TRMT13: variants seen among roughly 807,000 people sequenced by gnomAD.
TRMT13 encodes tRNA:m(4)X modification enzyme TRM13 homolog.
Under a neutral mutation model 55.9 loss-of-function variants are expected in TRMT13, and 45 were observed. That is an observed-to-expected ratio of 0.80 (90% CI 0.63 to 1.03). The LOEUF is 1.03. Among genes scored for constraint, TRMT13 ranks in the 50% least tolerant of loss-of-function variants. The probability of loss-of-function intolerance (pLI) is 0.00; values close to 1 mark genes in which losing one functional copy is unlikely to be tolerated. For synonymous variants in TRMT13, 183 were observed against 196.3 expected (o/e 0.93, Z 0.57); for missense variants, 513 against 563.9 (o/e 0.91, Z 0.91).
At chr1:100,133,384 G>GC (rs1655303660) in intron 1 of TRMT13, 69 bp downstream of exon 1, 1 of 1,521,594 alleles carries the variant, frequency 6.6e-7, no homozygotes, top group African/African-American at 1.4e-5. Context: ...CTGGAACCCG[G>GC]CCCCTCCCCT....
At chr1:100,139,121 T>C (rs17121953) in intron 3 of TRMT13, among the ~76,000 whole-genome samples, 5,461 of 152,340 alleles carry the variant, frequency 0.036, 115 homozygotes, top group Middle Eastern at 0.044. Context: ...ATTTAAATAG[T>C]GTGACAGGAC....
At chr1:100,140,100 T>C (rs960332862) in intron 4 of TRMT13, 82 bp from the exon 5 acceptor site, 18 of 866,752 alleles carry the variant, frequency 2.1e-5, no homozygotes, top group Non-Finnish European at 3.3e-5. Flanking sequence ...ATTTGCCCAG[T>C]TGGTAAACCT....
chr1:100,149,133 G>T lies in TRMT13; in HGVS notation c.*313G>T. 1.3e-6 allele frequency: 2 copies of T among 1,568,526 alleles called. No individual in the cohort carries two copies. Among genetic ancestry groups the T allele is most frequent in the Non-Finnish European group, 1.7e-6 (2 of 1,165,780 alleles). ...CATAACATGTCAACACATAATTAGC[G>T]TATTTCTGTTTGTATTAATTTTGGA... On this transcript the variant is annotated 3_prime_UTR_variant, in exon 11 of 11. Transcript: ENST00000370141.
chr1:100,144,225 T>C, intron 9 of TRMT13, 82 bp downstream of exon 9: 1 of 938,350 alleles, frequency 1.1e-6, no homozygotes, highest in South Asian at 1.4e-5. Context: ...GTGGTCTCTT[T>C]TGAATAGATA....
chr1:100,149,730 A>C lies in TRMT13; in HGVS notation c.*910A>C, dbSNP rs566727691. 4.3e-6 allele frequency: 1 copy of C among 233,494 alleles called. No individual in the cohort carries two copies. The highest frequency in any genetic ancestry group is 8.3e-6 in the Non-Finnish European group (1 of 121,136). 14.5% of individuals were successfully genotyped at this position (233,494 alleles called of 1,614,324 possible). On this transcript the variant is annotated 3_prime_UTR_variant, in exon 11 of 11. Transcript: ENST00000370141. ...AACTCATGACTGGTTTCTATGCACA[A>C]GAAAATACTAAACCAAATATATGGT...
chr1:100,148,445 A>C lies in TRMT13; in HGVS notation c.1250+119A>C, dbSNP rs1158091482. 18 of 1,184,132 alleles carry C rather than the reference A, an allele frequency of 1.5e-5. No homozygotes were observed. In the African/African-American group the frequency reaches 2.8e-4, roughly 19 times the overall value. The allele number at this position is 1,184,132 out of a possible 1,614,324, so 73.4% of individuals were successfully genotyped here. A position where few individuals can be genotyped will look rare whatever the true frequency, so the allele number is the denominator to read the frequency against. On this transcript the variant is annotated intron_variant, in intron 10 of 10. Transcript: ENST00000370141. Reference sequence around the variant, plus strand: ...TATTTTATAATCTAATTTTAGAATAAGCTAAAATATACACATCTTTTATTG... The same window carrying C: ...TATTTTATAATCTAATTTTAGAATACGCTAAAATATACACATCTTTTATTG...
At position 100,149,119 on chromosome 1, in the gene TRMT13, A is replaced by G. The variant is rs749870180; in HGVS notation, c.*299A>G. On this transcript the variant is annotated 3_prime_UTR_variant, in exon 11 of 11. Transcript: ENST00000370141. ...TGATCTGAAACATACATAACATGTC[A>G]ACACATAATTAGCGTATTTCTGTTT... 1 of 1,586,208 alleles carries G rather than the reference A, an allele frequency of 6.3e-7. No homozygotes were observed. Among genetic ancestry groups the G allele is most frequent in the Non-Finnish European group, 8.5e-7 (1 of 1,172,066 alleles).
rs1180369766 is a variant in TRMT13, at chr1:100,148,771, T to C, written c.1397T>C (p.Leu466Ser). 9.6e-6 allele frequency: 15 copies of C among 1,559,018 alleles called. No homozygotes were observed. The highest frequency in any genetic ancestry group is 1.3e-5 in the South Asian group (1 of 79,780). ...CCTCTGGTGTCTTTGGAAAATGTTT[T>C]GTTAACTGCTTTACCAAATCATTCT... is the stretch of plus-strand genomic sequence containing the variant. ...TDPLVSLENV[L>S]LTALPNHSSS... The change falls in exon 11 of 11, where the codon TTG (leucine) becomes TCG (serine). Residue 466 changes from leucine to serine, a missense_variant. Leu to Ser is a moderately radical substitution (Grantham distance 145). Around this residue, in one of 3 missense-constraint regions of TRMT13, gnomAD observed 209 missense variants for 255.8 expected, o/e 0.82. Coordinates refer to ENST00000370141, the MANE Select transcript of TRMT13 (RefSeq NM_019083.3).
At chr1:100,148,549 A>T in intron 10 of TRMT13, 76 bp from the exon 11 acceptor site, 1 of 1,372,736 alleles carries the variant, frequency 7.3e-7, no homozygotes, top group Non-Finnish European at 1.0e-6. Context: ...GTCTCTCAAT[A>T]AATAGTGACA....
In TRMT13 at chr1:100,143,190, T is replaced by A; in HGVS notation, c.723T>A (p.Asp241Glu). 6.2e-7 allele frequency: 1 copy of A among 1,608,106 alleles called. No homozygotes were observed. The highest frequency in any genetic ancestry group is 8.5e-7 in the Non-Finnish European group (1 of 1,175,956). ...CAGTGTTTGAAAGACTTCAAATTGA[T>A]ATTCAACACTTGTGTTTGAGTAAGT... is the stretch of plus-strand genomic sequence containing the variant. Reference protein sequence around the residue: ...KNSVFERLQIDIQHLCLNKIP... With the variant: ...KNSVFERLQIEIQHLCLNKIP... The change falls in exon 8 of 11, where the codon GAT becomes GAA. Residue 241 changes from aspartate to glutamate, a missense_variant. This residue lies in a region of TRMT13 where 298 missense variants were observed against 290.3 expected (regional missense o/e 1.03). Coordinates refer to ENST00000370141, the MANE Select transcript of TRMT13 (RefSeq NM_019083.3).
At position 100,137,085 on chromosome 1, in the gene TRMT13, TG is replaced by T; in HGVS notation, c.261+1del. 1 of 1,610,770 alleles carries T rather than the reference TG, an allele frequency of 6.2e-7. No individual in the cohort carries two copies. Among genetic ancestry groups the T allele is most frequent in the Non-Finnish European group, 8.5e-7 (1 of 1,178,790 alleles). The stretch of plus-strand genomic sequence containing the variant: ...GTAACTCAAGAGAGAAACCAAAACC[TG>T]TAAGTGTTTGATCAGTAAAATTGAA... On this transcript the variant is annotated splice_donor_variant, in intron 3 of 10. Coordinates refer to ENST00000370141, the MANE Select transcript of TRMT13 (RefSeq NM_019083.3). LOFTEE classifies it high-confidence loss of function.
chr1:100,140,622 C>CATTTGAAACAATTTG, intron 6 of TRMT13, 108 bp downstream of exon 6: 1 of 941,860 alleles, frequency 1.1e-6, no homozygotes, highest in Non-Finnish European at 1.6e-6. Flanking sequence ...TTGAGGGTAC[C>CATTTGAAACAATTTG]AAATATTTCC....
intron 7 of TRMT13, 70 bp from the exon 8 acceptor site, chr1:100,143,067 A>G: frequency 9.4e-7 from 1 of 1,066,398 alleles, no homozygotes; most frequent in Non-Finnish European, 1.4e-6. Context: ...ACCAATAAAA[A>G]TCTTTTTATT....
At chr1:100,147,445 A>G (rs759340996) in intron 9 of TRMT13, among the ~76,000 whole-genome samples, 79 of 152,332 alleles carry the variant, frequency 5.2e-4, no homozygotes, top group Non-Finnish European at 4.7e-4. Context: ...CAAGACAAGC[A>G]TCTTGACCTA....
rs1177145074 is a variant in TRMT13, at chr1:100,150,296, C to T, written c.*1476C>T. 1 of 151,966 alleles carries T rather than the reference C, an allele frequency of 6.6e-6. No homozygotes were observed. The highest frequency in any genetic ancestry group is 6.6e-5 in the Admixed American group (1 of 15,252). 9.4% of individuals were successfully genotyped at this position (151,966 alleles called of 1,614,324 possible). A position where few individuals can be genotyped will look rare whatever the true frequency, so the allele number is the denominator to read the frequency against. The stretch of plus-strand genomic sequence containing the variant: ...CTCTTTAAGTTGTTAACTTTTTTCC[C>T]TTGTTATAAGTTTTATGTCAAGTAA... On this transcript the variant is annotated 3_prime_UTR_variant, in exon 11 of 11. Transcript: ENST00000370141.
At position 100,148,068 on chromosome 1, in the gene TRMT13, T is replaced by C. The variant is rs1348208540; in HGVS notation, c.992T>C (p.Val331Ala). 1.2e-6 allele frequency: 2 copies of C among 1,614,224 alleles called. No individual in the cohort carries two copies. The highest frequency in any genetic ancestry group is 3.3e-5 in the Admixed American group (2 of 60,024). The change falls in exon 10 of 11, where the codon GTT (valine) becomes GCT (alanine). Residue 331 changes from valine to alanine, a missense_variant. By Grantham distance (64) the Val-to-Ala change is moderately conservative (BLOSUM62 0). This residue lies in a region of TRMT13 where 209 missense variants were observed against 255.8 expected (regional missense o/e 0.82). Coordinates refer to ENST00000370141, the MANE Select transcript of TRMT13 (RefSeq NM_019083.3). ...AAGTGGAACCCTGTGGCTGGCATTG[T>C]TATTGCACTCTGTTGTCACCACAGG... ...PEKWNPVAGIVIALCCHHRCD... is the reference protein window; with the variant it reads ...PEKWNPVAGIAIALCCHHRCD...
Position 100,148,187 on chromosome 1 carries a change from G to A in TRMT13, c.1111G>A (p.Ala371Thr). Residue 371 changes from alanine to threonine, a missense_variant, in exon 10 of 11, where the codon GCA becomes ACA. By Grantham distance (58) the Ala-to-Thr change is moderately conservative (BLOSUM62 0). Coordinates refer to ENST00000370141, the MANE Select transcript of TRMT13 (RefSeq NM_019083.3). The part of the protein sequence containing the change: ...FHYFQRMSSW[A>T]TCGMRKTSLE... ...TTATTTCCAGCGAATGAGTAGTTGG[G>A]CAACTTGTGGGATGCGGAAAACATC... 1 of 1,614,202 alleles carries A rather than the reference G, an allele frequency of 6.2e-7. No homozygotes were observed. The highest frequency in any genetic ancestry group is 8.5e-7 in the Non-Finnish European group (1 of 1,180,042).
In TRMT13 at chr1:100,133,315, G is replaced by A. The variant is rs201489613; in HGVS notation, c.147G>A (p.Glu49=). Residue 49 remains glutamate (E), a splice_region_variant and synonymous_variant, in exon 1 of 11, where the codon GAG becomes GAA. Coordinates refer to ENST00000370141, the MANE Select transcript of TRMT13 (RefSeq NM_019083.3). ...RFCGEHAGAA[E]EEDARKRILC... ...GTGGTGAACACGCTGGAGCCGCGGA[G>A]GTGTGGTATCGCCCTACTCTCTCAA... 32 of 1,613,984 alleles carry A rather than the reference G, an allele frequency of 2.0e-5. No individual in the cohort carries two copies. The highest frequency in any genetic ancestry group is 2.6e-5 in the Non-Finnish European group (31 of 1,179,944).
chr1:100,142,931 T>C (rs1416727645), intron 7 of TRMT13: 2 of 516,300 alleles, frequency 3.9e-6, no homozygotes, highest in African/African-American at 3.9e-5. Flanking sequence ...TTAAAGGAAA[T>C]AATGTCTATG....
Sources: gnomAD v4.1 joint callset for allele counts (sites outside exome capture counted in the v4.1 genomes callset) on GRCh38, gnomAD v4.1.1 for gene constraint, gnomAD v4.1.1 regional missense constraint, MANE v1.5 for transcripts, NCBI Gene and HGNC (gene_info 2026-07-23, HGNC 2026-07-21) for gene names.